SLC35D1: variants seen among roughly 807,000 people sequenced by gnomAD.
SLC35D1 encodes the protein solute carrier family 35 member D1.
A neutral mutation model predicts 46.7 loss-of-function variants in SLC35D1; 31 were observed. That is an observed-to-expected ratio of 0.66 (90% CI 0.50 to 0.90). The LOEUF (loss-of-function observed/expected upper bound fraction) is 0.90. SLC35D1 is among the 40% of genes least tolerant of loss of function. The pLI, the probability that SLC35D1 is intolerant of heterozygous loss-of-function variation, is 0.00. For missense variants in SLC35D1, 397 were observed against 426.2 expected (o/e 0.93, Z 0.60); for synonymous variants, 195 against 164.6 (o/e 1.18, Z -1.41).
intron 11 of SLC35D1, among the ~76,000 whole-genome samples, chr1:67,005,742 G>A (rs1045878965): frequency 5.3e-5 from 8 of 152,024 alleles, no homozygotes; most frequent in South Asian, 2.1e-4. Flanking sequence ...CCTACTGATG[G>A]GCCAGAATAC....
intron 9 of SLC35D1, 53 bp from the exon 10 acceptor site, chr1:67,020,500 T>G: frequency 1.5e-3 from 1,821 of 1,209,838 alleles, no homozygotes; most frequent in Non-Finnish European, 2.0e-3. Flanking sequence ...TACTAATCTC[T>G]AGCCAAGATA....
In SLC35D1 at chr1:67,008,707, C is replaced by T. The variant is rs181102333; in HGVS notation, c.959+378G>A. ...ATTCCAAAAATATACACTAAAAATG[C>T]TTTCAATATAGCAACCCTGTGGCCA... On this transcript the variant is annotated intron_variant, in intron 11 of 11. Coordinates refer to ENST00000235345, the MANE Select transcript of SLC35D1 (RefSeq NM_015139.3). Among the ~76,000 whole-genome samples the T allele has an allele frequency of 7.9e-5, 12 of 152,226 alleles. No individual in the cohort carries two copies. The East Asian group carries it at 2.1e-3, about 27-fold the overall frequency.
chr1:66,978,669 A>G, the SLC35D1 span, among the ~76,000 whole-genome samples: 3 of 152,238 alleles, frequency 2.0e-5, no homozygotes, highest in Non-Finnish European at 4.4e-5. Flanking sequence ...CATTTCAGAA[A>G]TAATGTTCAC....
At chr1:67,030,866 G>T (rs1668004824) in intron 8 of SLC35D1, among the ~76,000 whole-genome samples, 1 of 152,130 alleles carries the variant, frequency 6.6e-6, no homozygotes, top group African/African-American at 2.4e-5. Flanking sequence ...GTGCCTTATG[G>T]TTTACCAAGT....
intron 10 of SLC35D1, among the ~76,000 whole-genome samples, chr1:67,016,798 TG>T (rs1468738656): frequency 2.0e-5 from 3 of 152,172 alleles, no homozygotes; most frequent in Non-Finnish European, 4.4e-5. Flanking sequence ...ACAGAGACAC[TG>T]GTTATTTTAC....
chr1:67,039,995 A>AT (rs11300562), intron 8 of SLC35D1, among the ~76,000 whole-genome samples: 377 of 140,166 alleles, frequency 2.7e-3, no homozygotes, highest in Middle Eastern at 0.021. Flanking sequence ...TTACATCACA[A>AT]TTTTTTTTTT....
chr1:67,024,444 T>A (rs949103947), intron 8 of SLC35D1, among the ~76,000 whole-genome samples: 1 of 152,210 alleles, frequency 6.6e-6, no homozygotes, highest in Non-Finnish European at 1.5e-5. Flanking sequence ...TCTATGAACC[T>A]TTTAACATTA....
chr1:66,986,800 T>C, the SLC35D1 span: 1 of 200,724 alleles, frequency 5.0e-6, no homozygotes, highest in Non-Finnish European at 1.0e-5. Flanking sequence ...AGAATGGCAG[T>C]AGCTTTAGCA....
At chr1:66,986,398 C>T in the SLC35D1 span, 1 of 1,611,462 alleles carries the variant, frequency 6.2e-7, no homozygotes, top group Admixed American at 1.7e-5. Flanking sequence ...GTTTTTCTCA[C>T]ACAGGCATAC....
intron 8 of SLC35D1, among the ~76,000 whole-genome samples, chr1:67,035,352 T>C (rs1278921738): frequency 3.3e-5 from 5 of 152,228 alleles, no homozygotes; most frequent in Non-Finnish European, 7.3e-5. Context: ...AGAGTTTTTA[T>C]TACAGCTTTG....
chr1:67,007,536 G>A (rs1236037796), intron 11 of SLC35D1, among the ~76,000 whole-genome samples: 1 of 152,126 alleles, frequency 6.6e-6, no homozygotes, highest in African/African-American at 2.4e-5. Context: ...GTAACTTGAG[G>A]CAACAATAAA....
chr1:67,013,461 G>A (rs1570611580), intron 10 of SLC35D1, among the ~76,000 whole-genome samples: 1 of 152,016 alleles, frequency 6.6e-6, no homozygotes, highest in East Asian at 1.9e-4. Flanking sequence ...AGGCTAAGAT[G>A]GGGGGATAAA....
intron 11 of SLC35D1, 52 bp from the exon 12 acceptor site, chr1:67,004,500 T>G (rs1191415057): frequency 6.8e-7 from 1 of 1,481,364 alleles, no homozygotes; most frequent in Non-Finnish European, 9.4e-7. Flanking sequence ...GGTTTTAGTG[T>G]AAACACTCTA....
At chr1:66,974,141 C>T in the SLC35D1 span, among the ~76,000 whole-genome samples, 1 of 151,712 alleles carries the variant, frequency 6.6e-6, no homozygotes, top group Non-Finnish European at 1.5e-5. Context: ...GAGCCCCACT[C>T]CCAATTAGTT....
the SLC35D1 span, chr1:66,984,632 T>C: frequency 5.6e-6 from 9 of 1,613,438 alleles, no homozygotes; most frequent in Non-Finnish European, 7.6e-6. Context: ...GTTGAAGGGT[T>C]ACACATTAAT....
the SLC35D1 span, among the ~76,000 whole-genome samples, chr1:66,988,809 T>C: frequency 6.6e-6 from 1 of 152,218 alleles, no homozygotes. Context: ...CCAGCAAATA[T>C]TTCGGCCTAT....
intron 1 of SLC35D1, among the ~76,000 whole-genome samples, 198 bp from the exon 2 acceptor site, chr1:67,053,187 C>A (rs368130789): frequency 9.2e-5 from 14 of 152,074 alleles, no homozygotes; most frequent in Admixed American, 6.5e-4. Context: ...TAGCCTCGGG[C>A]GGCCGCTTGT....
chr1:67,022,924 T>C (rs546989056), intron 8 of SLC35D1, among the ~76,000 whole-genome samples: 69 of 152,338 alleles, frequency 4.5e-4, no homozygotes, highest in African/African-American at 1.6e-3. Flanking sequence ...ACAAGTGGAA[T>C]TGTATAGCAT....
chr1:66,984,962 G>T, the SLC35D1 span: 1 of 1,497,202 alleles, frequency 6.7e-7, no homozygotes, highest in Non-Finnish European at 8.9e-7. Context: ...TTTCAGGGTT[G>T]ATGGGTTACC....
Sources: allele counts gnomAD v4.1 joint callset (sites outside exome capture counted in the v4.1 genomes callset), GRCh38; gene constraint gnomAD v4.1.1; transcripts MANE v1.5; gene names NCBI Gene and HGNC (gene_info 2026-07-23, HGNC 2026-07-21).